Variants in SLC45A1 observed in about 807,000 individuals in gnomAD.
SLC45A1 encodes solute carrier family 45 member 1, also known as proton-associated sugar transporter A.
In SLC45A1, 28 loss-of-function variants were observed where a neutral mutation model predicts 57.6. The ratio of observed to expected loss-of-function variants is 0.49; its 90% confidence interval spans 0.36 to 0.67. SLC45A1 has a LOEUF of 0.67. Among genes scored for constraint, SLC45A1 ranks in the 30% least tolerant of loss-of-function variants. The pLI is 0.00. For synonymous variants in SLC45A1, 459 were observed against 471.5 expected (o/e 0.97, Z 0.34); for missense variants, 814 against 1,041.5 (o/e 0.78, Z 3.01).
chr1:8,333,514 C>T (rs918010629), intron 5 of SLC45A1, among the ~76,000 whole-genome samples: 1 of 152,184 alleles, frequency 6.6e-6, no homozygotes, highest in Admixed American at 6.5e-5. Context: ...CGGCTCACTG[C>T]AGCCTCAATC....
chr1:8,320,042 T>C (rs964448161), intron 1 of SLC45A1, among the ~76,000 whole-genome samples: 1 of 152,240 alleles, frequency 6.6e-6, no homozygotes, highest in South Asian at 2.1e-4. Flanking sequence ...CTAAAATTCT[T>C]CTTATGATAA....
Position 8,330,232 on chromosome 1 carries a change from G to T in SLC45A1, c.739G>T (p.Val247Leu), listed in dbSNP as rs757409091. The T allele has an allele frequency of 1.2e-6, 2 of 1,613,708 alleles. No homozygotes were observed. Among genetic ancestry groups the T allele is most frequent in the African/African-American group, 1.3e-5 (1 of 74,894 alleles). ...LAGLGGGFGYVVGGIHWDKTG... is the reference protein window; with the variant it reads ...LAGLGGGFGYLVGGIHWDKTG... ...AGGTCTCGGAGGAGGCTTTGGATACGTGGTCGGCGGAATCCACTGGGATAA... is the reference window on the plus strand; with the variant it reads ...AGGTCTCGGAGGAGGCTTTGGATACTTGGTCGGCGGAATCCACTGGGATAA... The change falls in exon 5 of 9, where the codon GTG (valine) becomes TTG (leucine). Residue 247 changes from valine to leucine, a missense_variant. By Grantham distance (32) the Val-to-Leu change is conservative. Coordinates refer to ENST00000471889, the MANE Select transcript of SLC45A1 (RefSeq NM_001080397.3). This position sits in a 1 kb window ranked among gnomAD's most constrained non-coding sequence, Gnocchi z 8.4.
Position 8,330,098 on chromosome 1 carries a change from C to T in SLC45A1, c.716-111C>T. The T allele has an allele frequency of 7.5e-7, 1 of 1,338,868 alleles. No homozygotes were observed. Among genetic ancestry groups the T allele is most frequent in the Non-Finnish European group, 1.0e-6 (1 of 968,986 alleles). The allele number at this position is 1,338,868 out of a possible 1,614,324, so 82.9% of individuals were successfully genotyped here. On this transcript the variant is annotated intron_variant, in intron 4 of 8. Transcript: ENST00000471889. The surrounding 1 kb of genome is among the most constrained non-coding windows in gnomAD (Gnocchi z 8.4). ...GTTTAGGTGGAACAGGTTCTGTGCC[C>T]ACGTCCCTGGAATGGCCTTGGCTAC...
At chr1:8,319,568 G>C (rs1639936248) in intron 1 of SLC45A1, among the ~76,000 whole-genome samples, 2 of 152,206 alleles carry the variant, frequency 1.3e-5, no homozygotes, top group Admixed American at 1.3e-4. Context: ...GGAGATGAGT[G>C]GATTTCCTTT....
Position 8,325,826 on chromosome 1 carries a change from C to G in SLC45A1, c.499C>G (p.Leu167Val). The change falls in exon 4 of 9, where the codon CTG becomes GTG. Residue 167 changes from leucine (L) to valine (V), a missense_variant. Coordinates refer to ENST00000471889, the MANE Select transcript of SLC45A1 (RefSeq NM_001080397.3). This position sits in a 1 kb window ranked among gnomAD's most constrained non-coding sequence, Gnocchi z 6.3. ...FILVLAIGALLGLSLLLNGRD... is the reference protein window; with the variant it reads ...FILVLAIGALVGLSLLLNGRD... ...TGTTTCTCTGTGTCCAGGGGCACTG[C>G]TGGGCCTCTCGCTCTTGCTGAATGG... is the stretch of plus-strand genomic sequence containing the variant. 2 of 1,613,114 alleles carry G rather than the reference C, an allele frequency of 1.2e-6. No homozygotes were observed. The highest frequency in any genetic ancestry group is 3.3e-5 in the Admixed American group (2 of 60,022).
chr1:8,343,909 G>C lies in SLC45A1; in HGVS notation c.2143G>C (p.Val715Leu). The change falls in exon 9 of 9, where the codon GTG becomes CTG. Residue 715 changes from valine to leucine, a missense_variant. Transcript: ENST00000471889. This position sits in a 1 kb window ranked among gnomAD's most constrained non-coding sequence, Gnocchi z 7.7. ...ANGVMYFSSL[V>L]SFLGCLYSSL... ...CGGGGTGATGTACTTCTCCAGCCTCGTGTCCTTCCTGGGCTGCCTGTACTC... is the reference window on the plus strand; with the variant it reads ...CGGGGTGATGTACTTCTCCAGCCTCCTGTCCTTCCTGGGCTGCCTGTACTC... 1.2e-6 allele frequency: 2 copies of C among 1,614,148 alleles called. No individual in the cohort carries two copies. The highest frequency in any genetic ancestry group is 1.7e-6 in the Non-Finnish European group (2 of 1,180,036).
chr1:8,332,044 T>G (rs984271490), intron 5 of SLC45A1, among the ~76,000 whole-genome samples: 18 of 152,176 alleles, frequency 1.2e-4, no homozygotes, highest in Admixed American at 9.2e-4. Context: ...CGCCTGCCTC[T>G]GCCTCCCAAA....
At chr1:8,321,925 G>A in intron 1 of SLC45A1, among the ~76,000 whole-genome samples, 1 of 149,250 alleles carries the variant, frequency 6.7e-6, no homozygotes, top group Non-Finnish European at 1.5e-5. Flanking sequence ...ATGGATGGGT[G>A]GGTGGGTGGA....
intron 5 of SLC45A1, among the ~76,000 whole-genome samples, chr1:8,331,845 T>A (rs1640420879): frequency 6.7e-6 from 1 of 149,008 alleles, no homozygotes; most frequent in Non-Finnish European, 1.5e-5. Flanking sequence ...CAGGCTGGAG[T>A]GCAGTGGCGC....
chr1:8,327,109 C>G lies in SLC45A1; in HGVS notation c.715+1067C>G, dbSNP rs1446067666. 6.6e-6 allele frequency among the ~76,000 whole-genome samples: 1 copy of G among 152,230 alleles called. No homozygotes were observed. Among genetic ancestry groups the G allele is most frequent in the African/African-American group, 2.4e-5 (1 of 41,466 alleles). ...TTGGAAGCACAGGCGTTGTGCTGTTCTGTGCAAATCCTTGAATGATTTTGA... is the reference window on the plus strand; with the variant it reads ...TTGGAAGCACAGGCGTTGTGCTGTTGTGTGCAAATCCTTGAATGATTTTGA... On this transcript the variant is annotated intron_variant, in intron 4 of 8. Coordinates refer to ENST00000471889, the MANE Select transcript of SLC45A1 (RefSeq NM_001080397.3). This position sits in a 1 kb window ranked among gnomAD's most constrained non-coding sequence, Gnocchi z 4.3.
Position 8,330,796 on chromosome 1 carries a change from C to T in SLC45A1, c.1303C>T (p.Leu435=). 1 of 1,613,494 alleles carries T rather than the reference C, an allele frequency of 6.2e-7. No individual in the cohort carries two copies. Among genetic ancestry groups the T allele is most frequent in the Non-Finnish European group, 8.5e-7 (1 of 1,180,042 alleles). The part of the protein sequence containing the change: ...ALTSGCDGDI[L]RVGSLDTSKP... ...GACCTCCGGCTGTGACGGGGACATTCTGAGGGTGGGCTCCTTGGACACCTC... is the reference window on the plus strand; with the variant it reads ...GACCTCCGGCTGTGACGGGGACATTTTGAGGGTGGGCTCCTTGGACACCTC... The change falls in exon 5 of 9, where the codon CTG becomes TTG. Residue 435 remains leucine, a synonymous_variant. Transcript: ENST00000471889. The surrounding 1 kb of genome is among the most constrained non-coding windows in gnomAD (Gnocchi z 8.4).
intron 8 of SLC45A1, among the ~76,000 whole-genome samples, chr1:8,342,340 C>T (rs1440968703): frequency 6.6e-6 from 1 of 152,208 alleles, no homozygotes; most frequent in African/African-American, 2.4e-5. Flanking sequence ...GCGGTTTCAG[C>T]ACACGCAGAG....
At chr1:8,338,219 C>T (rs1447897198) in intron 7 of SLC45A1, among the ~76,000 whole-genome samples, 1 of 152,198 alleles carries the variant, frequency 6.6e-6, no homozygotes, top group African/African-American at 2.4e-5. Flanking sequence ...TACGGGGGCA[C>T]GGGTGCTTGT....
intron 8 of SLC45A1, among the ~76,000 whole-genome samples, chr1:8,340,387 C>A (rs774604602): frequency 3.3e-5 from 5 of 152,128 alleles, no homozygotes; most frequent in Non-Finnish European, 7.4e-5. Context: ...TGGTCTCAAT[C>A]TCTTGACCTC....
chr1:8,340,848 G>A (rs1002315357), intron 8 of SLC45A1, among the ~76,000 whole-genome samples: 4 of 152,132 alleles, frequency 2.6e-5, no homozygotes, highest in African/African-American at 7.2e-5. Context: ...CTGAAATCTC[G>A]TTACGGATTA....
At chr1:8,321,987 G>GTGGATGGA (rs1200811108) in intron 1 of SLC45A1, among the ~76,000 whole-genome samples, 30 of 67,090 alleles carry the variant, frequency 4.5e-4, no homozygotes, top group African/African-American at 8.3e-4. Flanking sequence ...GGATGGGTGG[G>GTGGATGGA]TGGATGGATG....
intron 6 of SLC45A1, among the ~76,000 whole-genome samples, chr1:8,337,321 C>T (rs550731258): frequency 3.9e-5 from 6 of 152,320 alleles, no homozygotes; most frequent in South Asian, 4.1e-4. Context: ...CACGGGGTCC[C>T]GCCCACGACA....
At position 8,324,345 on chromosome 1, in the gene SLC45A1, A is replaced by C. The variant is rs1208659856; in HGVS notation, c.16A>C (p.Ser6Arg). 2.5e-6 allele frequency: 4 copies of C among 1,612,538 alleles called. No individual in the cohort carries two copies. Residue 6 changes from serine (S) to arginine (R), a missense_variant, in exon 2 of 9, where the codon AGC (serine) becomes CGC (arginine). Coordinates refer to ENST00000471889, the MANE Select transcript of SLC45A1 (RefSeq NM_001080397.3). ...CCTCCCCACGATGATCCCCGCAGCCAGCAGCACCCCGCCGGGAGATGCCCT... is the reference window on the plus strand; with the variant it reads ...CCTCCCCACGATGATCCCCGCAGCCCGCAGCACCCCGCCGGGAGATGCCCT... MIPAA[S>R]STPPGDALFP...
In SLC45A1 at chr1:8,325,480, C is replaced by A; in HGVS notation, c.490+90C>A. ...TAGGAAAATTTTAAAAAATGTTGAC[C>A]AAAGCAGTTACCCAGATAGCTCTGG... On this transcript the variant is annotated intron_variant, in intron 3 of 8. Coordinates refer to ENST00000471889, the MANE Select transcript of SLC45A1 (RefSeq NM_001080397.3). This position sits in a 1 kb window ranked among gnomAD's most constrained non-coding sequence, Gnocchi z 6.3. 4 of 954,704 alleles carry A rather than the reference C, an allele frequency of 4.2e-6. No homozygotes were observed. Among genetic ancestry groups the A allele is most frequent in the Non-Finnish European group, 6.5e-6 (4 of 617,160 alleles). 59.1% of individuals were successfully genotyped at this position (954,704 alleles called of 1,614,324 possible).
Sources: gnomAD v4.1 joint callset for allele counts (sites outside exome capture counted in the v4.1 genomes callset) on GRCh38, gnomAD v4.1.1 for gene constraint, Gnocchi (gnomAD v3.1) non-coding constraint, MANE v1.5 for transcripts, NCBI Gene and HGNC (gene_info 2026-07-23, HGNC 2026-07-21) for gene names.